Variants in LONRF2 observed in about 807,000 individuals in gnomAD.
The protein encoded by LONRF2 is LON peptidase N-terminal domain and ring finger 2, also known as LON peptidase N-terminal domain and RING finger protein 2.
LONRF2 carries 35 observed loss-of-function variants against 66.6 expected under a neutral mutation model. The observed-to-expected ratio is 0.53, with a 90% CI of 0.40 to 0.70. The LOEUF (loss-of-function observed/expected upper bound fraction) is 0.70, where lower values mean the gene tolerates loss of function less well. Among genes scored for constraint, LONRF2 ranks in the 30% least tolerant of loss-of-function variants. The probability of loss-of-function intolerance (pLI) is 0.00; values close to 1 mark genes in which losing one functional copy is unlikely to be tolerated. For missense variants in LONRF2, 902 were observed against 1,002.1 expected (o/e 0.90, Z 1.35); for synonymous variants, 417 against 418.1 (o/e 1.00, Z 0.03).
At chr2:100,299,356 C>A in intron 5 of LONRF2, 37 bp from the exon 6 acceptor site, 2 of 1,251,278 alleles carry the variant, frequency 1.6e-6, no homozygotes, top group Non-Finnish European at 2.3e-6. Flanking sequence ...GTAATTAACA[C>A]CTAAGCACCT....
intron 7 of LONRF2, 62 bp from the exon 8 acceptor site, chr2:100,295,615 G>A (rs973992762): frequency 6.7e-5 from 102 of 1,528,798 alleles, no homozygotes; most frequent in Non-Finnish European, 8.8e-5. Context: ...CGAAGCTTCC[G>A]AGTGGAAAGG....
chr2:100,286,493 G>T (rs1302271151), intron 11 of LONRF2, among the ~76,000 whole-genome samples: 1 of 152,182 alleles, frequency 6.6e-6, no homozygotes, highest in Non-Finnish European at 1.5e-5. Context: ...AGGAAGTCAC[G>T]CTACTAATGT....
chr2:100,295,096 T>G (rs969593389), intron 8 of LONRF2, among the ~76,000 whole-genome samples: 2 of 151,956 alleles, frequency 1.3e-5, no homozygotes, highest in African/African-American at 4.8e-5. Flanking sequence ...GCAATCCTCC[T>G]GCACTGGCCT....
At chr2:100,314,181 A>T (rs1484249145) in intron 1 of LONRF2, among the ~76,000 whole-genome samples, 1 of 152,162 alleles carries the variant, frequency 6.6e-6, no homozygotes, top group Non-Finnish European at 1.5e-5. Flanking sequence ...GGTGCTAACA[A>T]ACACATTTCT....
In LONRF2 at chr2:100,321,586, C is replaced by G. The variant is rs1675628339; in HGVS notation, c.508G>C (p.Gly170Arg). The G allele has an allele frequency of 1.3e-6, 2 of 1,528,966 alleles. No homozygotes were observed. The highest frequency in any genetic ancestry group is 1.7e-6 in the Non-Finnish European group (2 of 1,150,468). The allele number at this position is 1,528,966 out of a possible 1,614,324, so 94.7% of individuals were successfully genotyped here. A position where few individuals can be genotyped will look rare whatever the true frequency, so the allele number is the denominator to read the frequency against. The change falls in exon 1 of 12, where the codon GGG (glycine) becomes CGG (arginine). Residue 170 changes from glycine to arginine, a missense_variant. Physicochemically the swap from Gly to Arg is moderately radical, Grantham distance 125. This residue lies in a region of LONRF2 where 585 missense variants were observed against 569.9 expected (regional missense o/e 1.03). Transcript: ENST00000393437. Reference protein sequence around the residue: ...LTVCKRCVEPGPARPQVRRVN... With the variant: ...LTVCKRCVEPRPARPQVRRVN... ...CGCCGCACCTGCGGCCGCGCGGGCC[C>G]TGGCTCCACGCAGCGCTTGCAGACT...
chr2:100,290,821 C>G (rs1331481868), intron 9 of LONRF2, among the ~76,000 whole-genome samples: 2 of 152,164 alleles, frequency 1.3e-5, no homozygotes, highest in Non-Finnish European at 2.9e-5. Context: ...CCAGCTCTTA[C>G]CCACACTCCG....
At chr2:100,290,021 C>T (rs114640197) in intron 10 of LONRF2, among the ~76,000 whole-genome samples, 2 of 152,064 alleles carry the variant, frequency 1.3e-5, no homozygotes, top group Admixed American at 6.5e-5. Context: ...GCAGGAGGAT[C>T]GTTTGAGCCT....
chr2:100,314,357 C>T (rs1330834634), intron 1 of LONRF2, among the ~76,000 whole-genome samples: 1 of 152,146 alleles, frequency 6.6e-6, no homozygotes, highest in Non-Finnish European at 1.5e-5. Context: ...GTTGTGCAGT[C>T]TTTTAGATGT....
chr2:100,317,591 A>C (rs1239634953), intron 1 of LONRF2, among the ~76,000 whole-genome samples: 1 of 152,220 alleles, frequency 6.6e-6, no homozygotes, highest in African/African-American at 2.4e-5. Context: ...CCATATGGAT[A>C]CGTTTCCTTT....
At position 100,279,730 on chromosome 2, in the gene LONRF2, A is replaced by G. The variant is rs1411081296; in HGVS notation, c.*4568T>C. 5.9e-5 allele frequency: 9 copies of G among 152,206 alleles called. No individual in the cohort carries two copies. Among genetic ancestry groups the G allele is most frequent in the Non-Finnish European group, 1.0e-4 (7 of 68,120 alleles). 9.4% of individuals were successfully genotyped at this position (152,206 alleles called of 1,614,324 possible). On this transcript the variant is annotated 3_prime_UTR_variant, in exon 12 of 12. Coordinates refer to ENST00000393437, the MANE Select transcript of LONRF2 (RefSeq NM_198461.4). Reference sequence around the variant, plus strand: ...TCTGGCTCTTACAACCTAGGAAGCAATATCCCCCACCCTAACGACCCGGGG... The same window carrying G: ...TCTGGCTCTTACAACCTAGGAAGCAGTATCCCCCACCCTAACGACCCGGGG...
intron 7 of LONRF2, among the ~76,000 whole-genome samples, chr2:100,297,443 C>T (rs1344526442): frequency 6.6e-6 from 1 of 152,186 alleles, no homozygotes; most frequent in Non-Finnish European, 1.5e-5. Context: ...GGCCAAGCAG[C>T]TTCTATTCTA....
intron 10 of LONRF2, 103 bp downstream of exon 10, chr2:100,290,155 C>A: frequency 9.1e-7 from 1 of 1,098,466 alleles, no homozygotes; most frequent in Non-Finnish European, 1.3e-6. Flanking sequence ...GAATTAAGGA[C>A]TTAAGTAATA....
intron 9 of LONRF2, among the ~76,000 whole-genome samples, chr2:100,290,625 C>T (rs1674940525): frequency 6.6e-6 from 1 of 152,184 alleles, no homozygotes; most frequent in Non-Finnish European, 1.5e-5. Context: ...ATGGTGGCTG[C>T]AGGGGAAGGG....
In LONRF2 at chr2:100,322,205, A is replaced by G; in HGVS notation, c.-112T>C. On this transcript the variant is annotated 5_prime_UTR_variant, in exon 1 of 12. Transcript: ENST00000393437. ...GCGGTCTCAGCCCTCGCCAGCAGCC[A>G]CGCGCGTCTGGGGGCGGCGCGCTGC... is the stretch of plus-strand genomic sequence containing the variant. 1.1e-6 allele frequency: 1 copy of G among 935,052 alleles called. No individual in the cohort carries two copies. The highest frequency in any genetic ancestry group is 1.3e-6 in the Non-Finnish European group (1 of 760,492). 57.9% of individuals were successfully genotyped at this position (935,052 alleles called of 1,614,324 possible). A position where few individuals can be genotyped will look rare whatever the true frequency, so the allele number is the denominator to read the frequency against.
chr2:100,312,688 GA>G (rs1675431945), intron 1 of LONRF2, among the ~76,000 whole-genome samples: 1 of 152,124 alleles, frequency 6.6e-6, no homozygotes, highest in South Asian at 2.1e-4. Flanking sequence ...TTCTCATCTC[GA>G]CACTGAATGA....
intron 10 of LONRF2, among the ~76,000 whole-genome samples, chr2:100,288,033 A>C (rs1418284821): frequency 6.6e-6 from 1 of 152,208 alleles, no homozygotes; most frequent in African/African-American, 2.4e-5. Context: ...TTTTCTTATA[A>C]AAATAAGCTA....
chr2:100,309,142 T>C lies in LONRF2; in HGVS notation c.763A>G (p.Ser255Gly). 1 of 1,604,082 alleles carries C rather than the reference T, an allele frequency of 6.2e-7. No individual in the cohort carries two copies. Among genetic ancestry groups the C allele is most frequent in the Non-Finnish European group, 8.5e-7 (1 of 1,176,476 alleles). Reference sequence around the variant, plus strand: ...AGAGGTTCATTCTGACAAGCTGCACTGGCATCTTGGAGAGCTTGCTCATAG... The same window carrying C: ...AGAGGTTCATTCTGACAAGCTGCACCGGCATCTTGGAGAGCTTGCTCATAG... The part of the protein sequence containing the change: ...KNYEQALQDA[S>G]AACQNEPLLI... Residue 255 changes from serine (S) to glycine (G), a missense_variant, in exon 2 of 12, where the codon AGT becomes GGT. Physicochemically the swap from Ser to Gly is moderately conservative, Grantham distance 56 (BLOSUM62 0). This residue lies in a region of LONRF2 where 585 missense variants were observed against 569.9 expected (regional missense o/e 1.03). Coordinates refer to ENST00000393437, the MANE Select transcript of LONRF2 (RefSeq NM_198461.4).
chr2:100,307,997 C>G (rs1675330889), intron 2 of LONRF2, among the ~76,000 whole-genome samples: 1 of 152,118 alleles, frequency 6.6e-6, no homozygotes, highest in Admixed American at 6.6e-5. Context: ...CTTAGTCCAA[C>G]AAACATCTGC....
intron 10 of LONRF2, among the ~76,000 whole-genome samples, chr2:100,288,319 T>C (rs941425600): frequency 7.9e-5 from 12 of 152,224 alleles, no homozygotes; most frequent in Non-Finnish European, 1.6e-4. Flanking sequence ...TGTGACTCCA[T>C]TCACAAATCC....
Sources: gnomAD v4.1 joint callset for allele counts (sites outside exome capture counted in the v4.1 genomes callset) on GRCh38, gnomAD v4.1.1 for gene constraint, gnomAD v4.1.1 regional missense constraint, MANE v1.5 for transcripts, NCBI Gene and HGNC (gene_info 2026-07-23, HGNC 2026-07-21) for gene names.